Variants in CERS6 observed in about 807,000 individuals in gnomAD.
CERS6 encodes the protein ceramide synthase 6.
Under a neutral mutation model 56.8 loss-of-function variants are expected in CERS6, and 26 were observed. That is an observed-to-expected ratio of 0.46 (90% CI 0.34 to 0.63). The LOEUF (loss-of-function observed/expected upper bound fraction) is 0.63, where lower values mean the gene tolerates loss of function less well. Ranked by LOEUF, CERS6 falls within the 30% of genes least tolerant of loss-of-function variation. The probability of loss-of-function intolerance (pLI) is 0.01; values close to 1 mark genes in which losing one functional copy is unlikely to be tolerated. For synonymous variants in CERS6, 164 were observed against 173.3 expected, an observed-to-expected ratio of 0.95 and a Z score of 0.42; for missense variants, 415 against 467.5, an observed-to-expected ratio of 0.89 and a Z score of 1.04.
intron 8 of CERS6, among the ~76,000 whole-genome samples, chr2:168,736,090 A>G (rs1282536859): frequency 6.6e-6 from 1 of 152,024 alleles, no homozygotes; most frequent in African/African-American, 2.4e-5. Flanking sequence ...TGGTGTTTTG[A>G]TTTGGTATTA....
chr2:168,615,141 A>G (rs1397977393), intron 3 of CERS6, among the ~76,000 whole-genome samples: 1 of 152,144 alleles, frequency 6.6e-6, no homozygotes, highest in African/African-American at 2.4e-5. Flanking sequence ...CTTGGCTCTC[A>G]GGAAGCCACA....
intron 4 of CERS6, among the ~76,000 whole-genome samples, chr2:168,674,584 T>G (rs927771205): frequency 1.3e-5 from 2 of 152,240 alleles, no homozygotes; most frequent in Admixed American, 6.5e-5. Flanking sequence ...ACTTACATCT[T>G]GAGAACTGGA....
intron 4 of CERS6, among the ~76,000 whole-genome samples, chr2:168,671,828 G>A (rs1040913237): frequency 2.6e-5 from 4 of 152,128 alleles, no homozygotes; most frequent in African/African-American, 9.7e-5. Context: ...TAGGTGACTA[G>A]TAATATTTAA....
At chr2:168,755,715 T>G (rs1053440661) in intron 8 of CERS6, among the ~76,000 whole-genome samples, 1 of 152,234 alleles carries the variant, frequency 6.6e-6, no homozygotes, top group Admixed American at 6.5e-5. Flanking sequence ...GTTTCTGCTG[T>G]AAATAGCCAT....
intron 4 of CERS6, among the ~76,000 whole-genome samples, chr2:168,660,383 T>G (rs1685599507): frequency 6.6e-6 from 1 of 152,236 alleles, no homozygotes; most frequent in Non-Finnish European, 1.5e-5. Context: ...TGTTTTTTCC[T>G]GCTTTCTAAC....
At chr2:168,717,761 C>A in intron 7 of CERS6, 111 bp from the exon 8 acceptor site, 1 of 660,992 alleles carries the variant, frequency 1.5e-6, no homozygotes, top group Non-Finnish European at 2.5e-6. Flanking sequence ...AAAATGCAGG[C>A]AATTTTATGC....
intron 2 of CERS6, among the ~76,000 whole-genome samples, chr2:168,551,432 G>A (rs763824578): frequency 6.6e-6 from 1 of 152,114 alleles, no homozygotes; most frequent in Admixed American, 6.5e-5. Context: ...GCTCTGCTGC[G>A]TCCCGTCATT....
At chr2:168,517,267 G>A (rs944961204) in intron 1 of CERS6, among the ~76,000 whole-genome samples, 9 of 151,760 alleles carry the variant, frequency 5.9e-5, no homozygotes, top group African/African-American at 2.2e-4. Flanking sequence ...AGAGTTGGGT[G>A]GATCACCTGA....
chr2:168,483,246 C>T (rs535437127), intron 1 of CERS6, among the ~76,000 whole-genome samples: 23 of 151,750 alleles, frequency 1.5e-4, no homozygotes, highest in African/African-American at 4.4e-4. Flanking sequence ...AGATTAGGCT[C>T]ATGGAGGTAT....
chr2:168,586,248 G>T (rs1313718251), intron 3 of CERS6, among the ~76,000 whole-genome samples: 2 of 150,762 alleles, frequency 1.3e-5, no homozygotes, highest in Non-Finnish European at 2.9e-5. Context: ...AGCTTACCAT[G>T]TGTAGTGCTG....
intron 4 of CERS6, among the ~76,000 whole-genome samples, chr2:168,651,511 G>T (rs570208360): frequency 1.3e-5 from 2 of 152,180 alleles, no homozygotes; most frequent in African/African-American, 4.8e-5. Context: ...AAAGAAAAGA[G>T]GTTTAATTGA....
At chr2:168,484,167 G>GTTTTTTTTTTTTTTTTTTT (rs34492119) in intron 1 of CERS6, among the ~76,000 whole-genome samples, 1 of 51,610 alleles carries the variant, frequency 1.9e-5, no homozygotes, top group Non-Finnish European at 3.7e-5. Context: ...TCTTTTTTCT[G>GTTTTTTTTTTTTTTTTTTT]TTTTTTTTTT....
chr2:168,536,838 T>C (rs1316008347), intron 1 of CERS6, among the ~76,000 whole-genome samples: 1 of 152,206 alleles, frequency 6.6e-6, no homozygotes, highest in Non-Finnish European at 1.5e-5. Context: ...CGATTTTTAA[T>C]ATTATTACAA....
intron 1 of CERS6, among the ~76,000 whole-genome samples, chr2:168,536,810 C>T (rs749714728): frequency 1.3e-5 from 2 of 152,012 alleles, no homozygotes; most frequent in Non-Finnish European, 2.9e-5. Context: ...TAATGGTTAT[C>T]TTTGATAGCA....
At chr2:168,490,284 C>A (rs1480944767) in intron 1 of CERS6, among the ~76,000 whole-genome samples, 5 of 152,128 alleles carry the variant, frequency 3.3e-5, no homozygotes, top group Non-Finnish European at 7.3e-5. Flanking sequence ...ATTCCCCCAT[C>A]CTCTTTGGCC....
rs74344633 is a variant in CERS6, at chr2:168,766,604, T to C, written c.1002+856T>C. On this transcript the variant is annotated intron_variant, in intron 9 of 9. Transcript: ENST00000305747. Reference sequence around the variant, plus strand: ...GAAGAATTTCTTTCACTACCCCCTCTCTGACAGGATGGTGTGAAAGCTTGC... The same window carrying C: ...GAAGAATTTCTTTCACTACCCCCTCCCTGACAGGATGGTGTGAAAGCTTGC... Among the ~76,000 whole-genome samples, 762 of 152,358 alleles carry C rather than the reference T, an allele frequency of 5.0e-3. 6 individuals carry two copies. Among genetic ancestry groups the C allele is most frequent in the African/African-American group, 0.018 (738 of 41,580 alleles).
At chr2:168,560,032 C>A (rs1695759526) in intron 2 of CERS6, among the ~76,000 whole-genome samples, 1 of 151,742 alleles carries the variant, frequency 6.6e-6, no homozygotes. Context: ...TAAAGACAAA[C>A]CTGAGAGTGG....
At chr2:168,630,164 CT>C (rs200868384) in intron 3 of CERS6, among the ~76,000 whole-genome samples, 1,940 of 146,872 alleles carry the variant, frequency 0.013, 32 homozygotes, top group African/African-American at 0.042. Flanking sequence ...TACAAGATAA[CT>C]TTTTTTTTTT....
intron 4 of CERS6, among the ~76,000 whole-genome samples, chr2:168,640,759 G>A (rs1684970253): frequency 6.6e-6 from 1 of 152,214 alleles, no homozygotes; most frequent in Admixed American, 6.5e-5. Context: ...TTGCATTAAG[G>A]AGATGGGACA....
Sources: allele counts gnomAD v4.1 joint callset (sites outside exome capture counted in the v4.1 genomes callset), GRCh38; gene constraint gnomAD v4.1.1; transcripts MANE v1.5; gene names NCBI Gene and HGNC (gene_info 2026-07-23, HGNC 2026-07-21).